Variants in PLEKHH1 observed in about 807,000 individuals in gnomAD.
The protein encoded by PLEKHH1 is pleckstrin homology, MyTH4 and FERM domain containing H1.
PLEKHH1 carries 104 observed loss-of-function variants against 160.0 expected under a neutral mutation model. The ratio of observed to expected loss-of-function variants is 0.65; its 90% CI spans 0.55 to 0.76. The LOEUF (loss-of-function observed/expected upper bound fraction) is 0.76. Ranked by LOEUF, PLEKHH1 falls within the 30% of genes least tolerant of loss-of-function variation. PLEKHH1 has a pLI of 0.00. For synonymous variants in PLEKHH1, 619 were observed against 678.4 expected (o/e 0.91, Z 1.36); for missense variants, 1,427 against 1,724.1 (o/e 0.83, Z 3.05).
In PLEKHH1 at chr14:67,575,917, G is replaced by A. The variant is rs1316471610; in HGVS notation, c.2264G>A (p.Arg755Lys). ...SDEDYEAGGT[R>K]RLLSSHCTLV... ...GAGGACTATGAGGCTGGAGGAACCA[G>A]ACGGTTGCTTTCCTCCCACTGCACC... The change falls in exon 16 of 29, where the codon AGA (arginine) becomes AAA (lysine). Residue 755 changes from arginine to lysine, a missense_variant. Coordinates refer to ENST00000329153, the MANE Select transcript of PLEKHH1 (RefSeq NM_020715.3). 1.2e-6 allele frequency: 2 copies of A among 1,613,746 alleles called. No homozygotes were observed. Among genetic ancestry groups the A allele is most frequent in the Non-Finnish European group, 1.7e-6 (2 of 1,179,654 alleles).
intron 7 of PLEKHH1, among the ~76,000 whole-genome samples, chr14:67,567,654 C>T (rs2035171374): frequency 6.6e-6 from 1 of 152,138 alleles, no homozygotes; most frequent in Admixed American, 6.5e-5. Flanking sequence ...TGGCAGCACT[C>T]ATCAGCTCTG....
chr14:67,555,988 T>C (rs2034577625), intron 3 of PLEKHH1, 101 bp downstream of exon 3: 2 of 1,421,398 alleles, frequency 1.4e-6, no homozygotes, highest in African/African-American at 2.8e-5. Context: ...TCACCAGCAG[T>C]ACTGTGTTAT....
chr14:67,583,499 G>A (rs2036000000), intron 24 of PLEKHH1, among the ~76,000 whole-genome samples: 2 of 152,186 alleles, frequency 1.3e-5, no homozygotes, highest in South Asian at 4.1e-4. Flanking sequence ...TTTGGAAAAG[G>A]CACTTCACCT....
Position 67,576,627 on chromosome 14 carries a change from G to A in PLEKHH1, c.2461+124G>A, listed in dbSNP as rs2035634148. ...TTTTTAAAACATCTAAGCCACAGAG[G>A]GGAAGTTCCCATCCAAGCTCCAGGG... On this transcript the variant is annotated intron_variant, in intron 17 of 28. Coordinates refer to ENST00000329153, the MANE Select transcript of PLEKHH1 (RefSeq NM_020715.3). The surrounding 1 kb of genome is among the most constrained non-coding windows in gnomAD (Gnocchi z 4.0). 1.8e-6 allele frequency: 1 copy of A among 557,184 alleles called. No individual in the cohort carries two copies. Among genetic ancestry groups the A allele is most frequent in the South Asian group, 2.2e-5 (1 of 45,956 alleles). 34.5% of individuals were successfully genotyped at this position (557,184 alleles called of 1,614,324 possible). A position where few individuals can be genotyped will look rare whatever the true frequency, so the allele number is the denominator to read the frequency against.
intron 1 of PLEKHH1, chr14:67,533,886 A>T (rs898434969): frequency 2.0e-5 from 3 of 152,200 alleles, no homozygotes; most frequent in African/African-American, 4.8e-5. Context: ...GACACAGAGC[A>T]TTGTGTCCTA....
intron 21 of PLEKHH1, 198 bp downstream of exon 21, chr14:67,579,509 G>C: frequency 1.5e-6 from 1 of 651,282 alleles, no homozygotes; most frequent in Non-Finnish European, 2.6e-6. Context: ...GTTGGTAAAG[G>C]AGGGACCCAG....
In PLEKHH1 at chr14:67,587,473, T is replaced by C. The variant is rs949882960; in HGVS notation, c.*238T>C. The C allele has an allele frequency of 7.2e-6, 4 of 552,200 alleles. No individual in the cohort carries two copies. The Admixed American group carries it at 9.3e-5, about 13-fold the overall frequency. 34.2% of individuals were successfully genotyped at this position (552,200 alleles called of 1,614,324 possible). A position where few individuals can be genotyped will look rare whatever the true frequency, so the allele number is the denominator to read the frequency against. On this transcript the variant is annotated 3_prime_UTR_variant, in exon 29 of 29. Transcript: ENST00000329153. Reference sequence around the variant, plus strand: ...CCATTTATTCCTTTTTTCATAAGAATAATGACTCCAGATGCTACCTGATTC... The same window carrying C: ...CCATTTATTCCTTTTTTCATAAGAACAATGACTCCAGATGCTACCTGATTC...
Position 67,573,328 on chromosome 14 carries a change from C to T in PLEKHH1, c.1781C>T (p.Thr594Met), listed in dbSNP as rs188512358. Residue 594 changes from threonine (T) to methionine (M), a missense_variant, in exon 12 of 29, where the codon ACG (threonine) becomes ATG (methionine). Thr to Met is a moderately conservative substitution (Grantham distance 81). Around this residue, in one of 6 missense-constraint regions of PLEKHH1, gnomAD observed 831 missense variants for 929.2 expected, o/e 0.89. Coordinates refer to ENST00000329153, the MANE Select transcript of PLEKHH1 (RefSeq NM_020715.3). The surrounding 1 kb of genome is among the most constrained non-coding windows in gnomAD (Gnocchi z 4.8). Reference protein sequence around the residue: ...YLLKMGSQVKTWKRRWFVLRQ... With the variant: ...YLLKMGSQVKMWKRRWFVLRQ... The stretch of plus-strand genomic sequence containing the variant: ...CTGAAAATGGGGAGCCAGGTGAAGA[C>T]GTGGAAGAGGCGCTGGTTTGTCCTG... 2.3e-5 allele frequency: 37 copies of T among 1,613,764 alleles called. No homozygotes were observed. Among genetic ancestry groups the T allele is most frequent in the African/African-American group, 1.5e-4 (11 of 75,040 alleles).
rs2036036068 is a variant in PLEKHH1, at chr14:67,584,143, A to T, written c.3699+19A>T. The stretch of plus-strand genomic sequence containing the variant: ...TGCTCAGGTAAGTGCCAGTGGAAGG[A>T]GCTGCCCACACCCTTAGGTGTGTCC... On this transcript the variant is annotated intron_variant, in intron 26 of 28. Coordinates refer to ENST00000329153, the MANE Select transcript of PLEKHH1 (RefSeq NM_020715.3). 1.9e-6 allele frequency: 3 copies of T among 1,610,620 alleles called. No homozygotes were observed. Among genetic ancestry groups the T allele is most frequent in the Non-Finnish European group, 1.7e-6 (2 of 1,179,490 alleles).
intron 2 of PLEKHH1, among the ~76,000 whole-genome samples, chr14:67,552,534 G>A (rs1277217178): frequency 4.6e-5 from 7 of 152,202 alleles, no homozygotes; most frequent in African/African-American, 7.2e-5. Context: ...TTGGGAGGCC[G>A]AGGTGGGCGG....
intron 7 of PLEKHH1, among the ~76,000 whole-genome samples, chr14:67,565,297 G>A (rs113740466): frequency 2.6e-5 from 4 of 152,094 alleles, no homozygotes; most frequent in Non-Finnish European, 5.9e-5. Context: ...AGGCTGGAGT[G>A]CAGTGGCACA....
chr14:67,562,106 C>T (rs767298453), intron 6 of PLEKHH1, 31 bp from the exon 7 acceptor site: 1 of 1,611,114 alleles, frequency 6.2e-7, no homozygotes, highest in South Asian at 1.1e-5. Flanking sequence ...TACGGGAGCT[C>T]TCAATGTGAC....
intron 1 of PLEKHH1, among the ~76,000 whole-genome samples, chr14:67,537,402 C>A (rs376956406): frequency 7.5e-6 from 1 of 133,094 alleles, no homozygotes; most frequent in Non-Finnish European, 1.6e-5. Context: ...TTAGGCTGGG[C>A]GCAGTGGCTC....
At chr14:67,572,832 C>G (rs1187283855) in intron 11 of PLEKHH1, among the ~76,000 whole-genome samples, 1 of 152,226 alleles carries the variant, frequency 6.6e-6, no homozygotes, top group Non-Finnish European at 1.5e-5. Context: ...CCCTCCAGTC[C>G]TGCCTGGCTG....
chr14:67,573,227 A>G lies in PLEKHH1; in HGVS notation c.1729-49A>G, dbSNP rs373981857. 3 of 1,172,846 alleles carry G rather than the reference A, an allele frequency of 2.6e-6. No homozygotes were observed. The highest frequency in any genetic ancestry group is 3.8e-6 in the Non-Finnish European group (3 of 784,914). The allele number at this position is 1,172,846 out of a possible 1,614,324, so 72.7% of individuals were successfully genotyped here. ...CACTTGGACCTGTGTGATGTCTAGG[A>G]GCCCTGAGTGATTTCCCCTTTCTTC... On this transcript the variant is annotated intron_variant, in intron 11 of 28. Transcript: ENST00000329153. The surrounding 1 kb of genome is among the most constrained non-coding windows in gnomAD (Gnocchi z 4.8).
intron 28 of PLEKHH1, chr14:67,586,453 T>A (rs1286524250): frequency 7.7e-7 from 1 of 1,295,040 alleles, no homozygotes; most frequent in South Asian, 1.2e-5. Context: ...GATTCCTCTT[T>A]AAGGTGCTCG....
At chr14:67,565,355 C>T (rs1435338566) in intron 7 of PLEKHH1, among the ~76,000 whole-genome samples, 1 of 152,100 alleles carries the variant, frequency 6.6e-6, no homozygotes, top group Non-Finnish European at 1.5e-5. Flanking sequence ...GGGATCTTTC[C>T]ACCCCAGCCT....
intron 26 of PLEKHH1, among the ~76,000 whole-genome samples, chr14:67,584,841 T>C (rs2036072486): frequency 6.6e-6 from 1 of 152,234 alleles, no homozygotes; most frequent in Non-Finnish European, 1.5e-5. Flanking sequence ...ATTTAATATA[T>C]ATTTATAAGC....
intron 1 of PLEKHH1, among the ~76,000 whole-genome samples, chr14:67,538,921 T>G (rs560445776): frequency 6.6e-6 from 1 of 152,334 alleles, no homozygotes; most frequent in East Asian, 1.9e-4. Context: ...TCCAAAGTAC[T>G]TGGAGATTTT....
Sources: gnomAD v4.1 joint callset for allele counts (sites outside exome capture counted in the v4.1 genomes callset) on GRCh38, gnomAD v4.1.1 for gene constraint, gnomAD v4.1.1 regional missense constraint, Gnocchi (gnomAD v3.1) non-coding constraint, MANE v1.5 for transcripts, NCBI Gene and HGNC (gene_info 2026-07-23, HGNC 2026-07-21) for gene names.